The following CARF variants were observed in gnomAD, a reference collection of about 807,000 sequenced individuals.
CARF encodes calcium responsive transcription factor, also known as calcium-responsive transcription factor.
CARF carries 57 observed loss-of-function variants against 82.0 expected under a neutral mutation model. The ratio of observed to expected loss-of-function variants is 0.70; its 90% CI spans 0.56 to 0.87. The LOEUF (loss-of-function observed/expected upper bound fraction) is 0.87. Ranked by LOEUF, CARF falls within the 40% of genes least tolerant of loss-of-function variation. The pLI is 0.00. For missense variants in CARF, 771 were observed against 855.8 expected (o/e 0.90, Z 1.24); for synonymous variants, 268 against 290.1 (o/e 0.92, Z 0.77).
In CARF at chr2:202,942,923, A is replaced by G; in HGVS notation, c.262A>G (p.Ile88Val). 1 of 1,614,164 alleles carries G rather than the reference A, an allele frequency of 6.2e-7. No homozygotes were observed. Among genetic ancestry groups the G allele is most frequent in the South Asian group, 1.1e-5 (1 of 91,076 alleles). The change falls in exon 5 of 17, where the codon ATT (isoleucine) becomes GTT (valine). Residue 88 changes from isoleucine (I) to valine (V), a missense_variant. Physicochemically the swap from Ile to Val is conservative, Grantham distance 29. Coordinates refer to ENST00000438828, the MANE Select transcript of CARF (RefSeq NM_024744.17). The part of the protein sequence containing the change: ...FHLVDQNGQA[I>V]QYELQSLGES... Reference sequence around the variant, plus strand: ...TCTAGTGGACCAAAATGGGCAGGCTATTCAATATGAACTTCAGTCATTGGG... The same window carrying G: ...TCTAGTGGACCAAAATGGGCAGGCTGTTCAATATGAACTTCAGTCATTGGG...
At chr2:202,934,746 C>T (rs1297726257) in intron 3 of CARF, 1 of 152,176 alleles carries the variant, frequency 6.6e-6, no homozygotes, top group East Asian at 1.9e-4. Context: ...TGAGCCACTG[C>T]ACCTGGCCTA....
chr2:202,971,538 T>TC lies in CARF; in HGVS notation c.1132dup (p.Gln378ProfsTer4), dbSNP rs1321552404. 2.5e-6 allele frequency: 4 copies of TC among 1,613,364 alleles called. No homozygotes were observed. The highest frequency in any genetic ancestry group is 3.4e-6 in the Non-Finnish European group (4 of 1,179,646). On this transcript the variant is annotated frameshift_variant, in exon 12 of 17. Transcript: ENST00000438828. LOFTEE classifies it high-confidence loss of function. Reference sequence around the variant, plus strand: ...TACAGTTACCTACACAGCAAGCTCATCAGTATCATGAATTAGAGACTCCCT... The same window carrying TC: ...TACAGTTACCTACACAGCAAGCTCATCCAGTATCATGAATTAGAGACTCCCT...
At chr2:202,970,107 C>G (rs1240389898) in intron 11 of CARF, 45 bp downstream of exon 11, 1 of 1,462,526 alleles carries the variant, frequency 6.8e-7, no homozygotes, top group African/African-American at 1.5e-5. Flanking sequence ...TTAATTAGCT[C>G]AATTTGCAAG....
intron 3 of CARF, among the ~76,000 whole-genome samples, chr2:202,935,915 C>T (rs553976450): frequency 2.0e-4 from 31 of 152,266 alleles, no homozygotes; most frequent in Admixed American, 5.9e-4. Context: ...CTCCTGGGCT[C>T]GTGCCATCCT....
intron 5 of CARF, among the ~76,000 whole-genome samples, chr2:202,943,937 C>T (rs1262138824): frequency 6.6e-6 from 1 of 152,180 alleles, no homozygotes; most frequent in Non-Finnish European, 1.5e-5. Flanking sequence ...TGAGCCACCA[C>T]GCCCGGCCTA....
intron 3 of CARF, among the ~76,000 whole-genome samples, chr2:202,935,887 G>A (rs1693857733): frequency 6.6e-6 from 1 of 152,102 alleles, no homozygotes; most frequent in Admixed American, 6.5e-5. Context: ...TACAGTCACA[G>A]CTTACTGCAG....
rs373223196 is a variant in CARF, at chr2:202,970,421, C to T, written c.1097+359C>T. On this transcript the variant is annotated intron_variant, in intron 11 of 16. Coordinates refer to ENST00000438828, the MANE Select transcript of CARF (RefSeq NM_024744.17). ...ACTTACTATGAGCAGAAACTTCAGC[C>T]GCCTGTCATTTTTTTAAAACTAATC... 1.4e-4 allele frequency among the ~76,000 whole-genome samples: 21 copies of T among 152,180 alleles called. No homozygotes were observed. The East Asian group carries it at 1.7e-3, about 13-fold the overall frequency.
At chr2:202,955,597 T>C in intron 7 of CARF, 77 bp from the exon 8 acceptor site, 1 of 995,784 alleles carries the variant, frequency 1.0e-6, no homozygotes, top group Non-Finnish European at 1.5e-6. Flanking sequence ...TCTTTGATAC[T>C]AAGAGGATAA....
intron 2 of CARF, among the ~76,000 whole-genome samples, chr2:202,918,683 A>T (rs1046742924): frequency 1.3e-5 from 2 of 152,198 alleles, no homozygotes; most frequent in African/African-American, 4.8e-5. Context: ...GGATTAAAGA[A>T]GGTAAAGCAA....
intron 3 of CARF, among the ~76,000 whole-genome samples, chr2:202,939,261 T>A (rs2058099944): frequency 6.6e-6 from 1 of 152,236 alleles, no homozygotes; most frequent in African/African-American, 2.4e-5. Context: ...CTTATGATTT[T>A]CCACTTTATG....
In CARF at chr2:202,982,305, T is replaced by C. The variant is rs747802749; in HGVS notation, c.1923T>C (p.Asn641=). Residue 641 remains asparagine (N), a synonymous_variant, in exon 16 of 17, where the codon AAT becomes AAC. Coordinates refer to ENST00000438828, the MANE Select transcript of CARF (RefSeq NM_024744.17). ...GTAACCTTCCAGAACCAGATCAAAA[T>C]CTAGTTGCAATGGACGAGCTGGTAG... is the stretch of plus-strand genomic sequence containing the variant. ...TMGNLPEPDQ[N]LVAMDELVEV... The C allele has an allele frequency of 4.3e-6, 7 of 1,613,942 alleles. No individual in the cohort carries two copies. In the Admixed American group the frequency reaches 8.3e-5, roughly 19 times the overall value.
intron 5 of CARF, among the ~76,000 whole-genome samples, chr2:202,951,088 C>T (rs1559230158): frequency 6.6e-6 from 1 of 151,814 alleles, no homozygotes; most frequent in Non-Finnish European, 1.5e-5. Flanking sequence ...GCTCTGTCAC[C>T]CAGGCTGGAG....
At chr2:202,943,474 T>G (rs181563253) in intron 5 of CARF, among the ~76,000 whole-genome samples, 3 of 152,184 alleles carry the variant, frequency 2.0e-5, no homozygotes, top group Admixed American at 1.3e-4. Flanking sequence ...ACAGTACTTA[T>G]GAGTCTCTGT....
chr2:202,946,940 C>T lies in CARF; in HGVS notation c.306+3973C>T, dbSNP rs190946292. ...ACCACGATGAGATATCATCACACGCCGGTTAGAATGGCGATTATTAAGAAG... is the reference window on the plus strand; with the variant it reads ...ACCACGATGAGATATCATCACACGCTGGTTAGAATGGCGATTATTAAGAAG... On this transcript the variant is annotated intron_variant, in intron 5 of 16. Transcript: ENST00000438828. Among the ~76,000 whole-genome samples, 289 of 152,274 alleles carry T rather than the reference C, an allele frequency of 1.9e-3. 2 individuals are homozygous for T. The highest frequency in any genetic ancestry group is 3.1e-3 in the Non-Finnish European group (211 of 68,016).
At chr2:202,936,185 T>C (rs1471520160) in intron 3 of CARF, among the ~76,000 whole-genome samples, 3 of 152,176 alleles carry the variant, frequency 2.0e-5, no homozygotes, top group Non-Finnish European at 4.4e-5. Flanking sequence ...AATTCCTTAA[T>C]ATCAAATATC....
intron 5 of CARF, among the ~76,000 whole-genome samples, chr2:202,943,587 T>TACACAC (rs754214990): frequency 0.23 from 25,873 of 114,544 alleles, 3,362 homozygotes; most frequent in South Asian, 0.29. Flanking sequence ...TAATGGAATG[T>TACACAC]ACACACACAC....
rs2060493730 is a variant in CARF at position 202,987,914 on chromosome 2, A to C, written c.*4290A>C. ...AGCCATGAAATCATCAGCATAAGCA[A>C]GGTAATGAACATATTCATCACTCTC... On this transcript the variant is annotated 3_prime_UTR_variant, in exon 17 of 17. Transcript: ENST00000438828. Among the ~76,000 whole-genome samples, 1 of 152,210 alleles carries C rather than the reference A, an allele frequency of 6.6e-6. No individual in the cohort carries two copies. The highest frequency in any genetic ancestry group is 2.4e-5 in the African/African-American group (1 of 41,458).
At chr2:202,949,295 C>CTGCACTCCA (rs2058645501) in intron 5 of CARF, among the ~76,000 whole-genome samples, 1 of 150,364 alleles carries the variant, frequency 6.7e-6, no homozygotes, top group South Asian at 2.1e-4. Flanking sequence ...GGTCGTGCCA[C>CTGCACTCCA]TGCACTCCAT....
chr2:202,927,106 G>A (rs2105738190), intron 3 of CARF, among the ~76,000 whole-genome samples: 1 of 152,292 alleles, frequency 6.6e-6, no homozygotes, highest in African/African-American at 2.4e-5. Flanking sequence ...ATGAGCCACA[G>A]TGCCTGGCTT....
Sources: allele counts gnomAD v4.1 joint callset (sites outside exome capture counted in the v4.1 genomes callset), GRCh38; gene constraint gnomAD v4.1.1; transcripts MANE v1.5; gene names NCBI Gene and HGNC (gene_info 2026-07-23, HGNC 2026-07-21).